JAKMIP3: variants seen among roughly 807,000 people sequenced by gnomAD.
JAKMIP3 encodes janus kinase and microtubule-interacting protein 3.
Under a neutral mutation model 118.5 loss-of-function variants are expected in JAKMIP3, and 58 were observed. The observed-to-expected ratio is 0.49, with a 90% CI of 0.40 to 0.61. JAKMIP3 has a LOEUF of 0.61. Among genes scored for constraint, JAKMIP3 ranks in the 20% least tolerant of loss-of-function variants. The probability of loss-of-function intolerance (pLI) is 0.00; values close to 1 mark genes in which losing one functional copy is unlikely to be tolerated. For synonymous variants in JAKMIP3, 486 were observed against 451.2 expected, an observed-to-expected ratio of 1.08 and a Z score of -0.98; for missense variants, 950 against 1,109.0, an observed-to-expected ratio of 0.86 and a Z score of 2.04.
intron 19 of JAKMIP3, among the ~76,000 whole-genome samples, chr10:132,160,235 TGG>T (rs773569291): frequency 1.2e-3 from 4 of 3,432 alleles, no homozygotes; most frequent in Non-Finnish European, 1.8e-3. Flanking sequence ...TGTGTGATGC[TGG>T]GGGGGGCCTC....
chr10:132,119,779 A>G (rs1004941606), intron 3 of JAKMIP3, among the ~76,000 whole-genome samples: 6 of 152,224 alleles, frequency 3.9e-5, no homozygotes, highest in Admixed American at 6.5e-5. Flanking sequence ...TCAAGGGTAA[A>G]TTTTAGCAGA....
chr10:132,106,184 A>G (rs2045873741), intron 2 of JAKMIP3, among the ~76,000 whole-genome samples: 1 of 151,450 alleles, frequency 6.6e-6, no homozygotes, highest in Non-Finnish European at 1.5e-5. Context: ...AAAAAAATGG[A>G]CACATTACGC....
intron 17 of JAKMIP3, 52 bp from the exon 18 acceptor site, chr10:132,153,707 C>G: frequency 6.4e-7 from 1 of 1,567,416 alleles, no homozygotes; most frequent in Non-Finnish European, 8.8e-7. Context: ...CTCCACGAGC[C>G]GGGGTGGGGG....
Position 132,117,770 on chromosome 10 carries a change from A to G in JAKMIP3, c.633+196A>G, listed in dbSNP as rs920290446. On this transcript the variant is annotated intron_variant, in intron 3 of 23. Transcript: ENST00000684848. This position sits in a 1 kb window ranked among gnomAD's most constrained non-coding sequence, Gnocchi z 8.6. ...TGGTTTTGAGGACCCTAGAGTCACG[A>G]GACCACTAGAAAAGGTTCAGACCCA... Among the ~76,000 whole-genome samples the G allele has an allele frequency of 4.6e-5, 7 of 152,138 alleles. No individual in the cohort carries two copies. The highest frequency in any genetic ancestry group is 1.7e-4 in the African/African-American group (7 of 41,422).
Position 132,138,104 on chromosome 10 carries a change from A to G in JAKMIP3, c.1285-15A>G, listed in dbSNP as rs781324540. 1 of 1,610,258 alleles carries G rather than the reference A, an allele frequency of 6.2e-7. No individual in the cohort carries two copies. ...GCTCTACCACTTACACAACCTCTTC[A>G]ACTGGCTTCCGCAGGAGCGGGACAA... On this transcript the variant is annotated splice_polypyrimidine_tract_variant and intron_variant, in intron 8 of 23. Transcript: ENST00000684848.
chr10:132,158,536 G>A (rs2057361278), intron 19 of JAKMIP3, among the ~76,000 whole-genome samples: 1 of 152,260 alleles, frequency 6.6e-6, no homozygotes, highest in Admixed American at 6.5e-5. Context: ...CCAAAGACCA[G>A]TGGGGAGGCA....
rs71228743 is a variant in JAKMIP3, at chr10:132,139,049, A to AGAGTGT, written c.1344+872_1344+873insAGTGTG. Among the ~76,000 whole-genome samples, 1,195 of 150,168 alleles carry AGAGTGT rather than the reference A, an allele frequency of 8.0e-3. 4 individuals carry two copies. Among genetic ancestry groups the AGAGTGT allele is most frequent in the Non-Finnish European group, 8.7e-3 (589 of 67,450 alleles). On this transcript the variant is annotated intron_variant, in intron 9 of 23. Transcript: ENST00000684848. ...CTAACTCATCTCCTGCTTTATGTTGAGTGTGTGTGTGTGTGTGTGTATGTG... is the reference window on the plus strand; with the variant it reads ...CTAACTCATCTCCTGCTTTATGTTGAGAGTGTGTGTGTGTGTGTGTGTGTGTATGTG...
At position 132,168,102 on chromosome 10, in the gene JAKMIP3, C is replaced by T. The variant is rs1193235256; in HGVS notation, c.*172C>T. On this transcript the variant is annotated 3_prime_UTR_variant, in exon 23 of 24. Transcript: ENST00000684848. ...GAGTGAGAAGGGGCAGTGTGTGGGG[C>T]GTGGAGCTGCCGTCCACGTGGGATG... 1.2e-5 allele frequency: 16 copies of T among 1,288,812 alleles called. No individual in the cohort carries two copies. Among genetic ancestry groups the T allele is most frequent in the Non-Finnish European group, 1.5e-5 (15 of 988,462 alleles). The allele number at this position is 1,288,812 out of a possible 1,614,324, so 79.8% of individuals were successfully genotyped here.
intron 1 of JAKMIP3, among the ~76,000 whole-genome samples, chr10:132,097,033 C>T (rs570497508): frequency 3.3e-5 from 5 of 152,322 alleles, no homozygotes; most frequent in South Asian, 2.1e-4. Context: ...AGAGACGCCA[C>T]GGCGAGGTGC....
chr10:132,176,840 G>A (rs1272479948), intron 23 of JAKMIP3, among the ~76,000 whole-genome samples: 2 of 151,874 alleles, frequency 1.3e-5, no homozygotes. Context: ...TTCCTGTGGA[G>A]TCTCCGGATG....
intron 20 of JAKMIP3, 23 bp downstream of exon 20, chr10:132,163,435 G>A (rs774481194): frequency 4.4e-6 from 7 of 1,573,120 alleles, no homozygotes; most frequent in Admixed American, 3.6e-5. Flanking sequence ...CGGGGGCAGG[G>A]CTGGCGTGAA....
At chr10:132,077,077 C>T (rs1477873686) in intron 1 of JAKMIP3, among the ~76,000 whole-genome samples, 3 of 152,214 alleles carry the variant, frequency 2.0e-5, no homozygotes, top group Non-Finnish European at 4.4e-5. Context: ...TCCACCCCAG[C>T]GTGTGAGAGT....
upstream of JAKMIP3, among the ~76,000 whole-genome samples, chr10:132,061,478 ACT>A (rs1401202691): frequency 2.0e-5 from 3 of 152,336 alleles, no homozygotes; most frequent in East Asian, 5.8e-4. Context: ...TAATCTATAA[ACT>A]CATTATAATT....
chr10:132,168,261 C>T lies in JAKMIP3; in HGVS notation c.*331C>T. On this transcript the variant is annotated 3_prime_UTR_variant, in exon 23 of 24. Transcript: ENST00000684848. Reference sequence around the variant, plus strand: ...CATTTCCAGGGATGTGTAGCATTCCCTGCCAAGCAGGGGTGAGAACTGCTT... The same window carrying T: ...CATTTCCAGGGATGTGTAGCATTCCTTGCCAAGCAGGGGTGAGAACTGCTT... 7.8e-7 allele frequency: 1 copy of T among 1,289,374 alleles called. No homozygotes were observed. Among genetic ancestry groups the T allele is most frequent in the Non-Finnish European group, 1.0e-6 (1 of 988,764 alleles). The allele number at this position is 1,289,374 out of a possible 1,614,324, so 79.9% of individuals were successfully genotyped here. A position where few individuals can be genotyped will look rare whatever the true frequency, so the allele number is the denominator to read the frequency against.
chr10:132,095,597 T>C (rs2043744742), intron 1 of JAKMIP3, among the ~76,000 whole-genome samples: 1 of 152,202 alleles, frequency 6.6e-6, no homozygotes, highest in Non-Finnish European at 1.5e-5. Context: ...ATCTGCTACC[T>C]TCAGAGGGTC....
At chr10:132,072,154 C>T (rs2040071111) in intron 1 of JAKMIP3, among the ~76,000 whole-genome samples, 1 of 152,038 alleles carries the variant, frequency 6.6e-6, no homozygotes, top group East Asian at 2.0e-4. Flanking sequence ...GTTCCGCCGG[C>T]CTCAGCCTCC....
chr10:132,071,919 T>TTTCCTTCCTTTCC (rs1301879962), intron 1 of JAKMIP3, among the ~76,000 whole-genome samples: 5 of 148,418 alleles, frequency 3.4e-5, no homozygotes, highest in African/African-American at 1.3e-4. Context: ...CCTTCCTTCC[T>TTTCCTTCCTTTCC]TTCCTTCCTT....
chr10:132,105,014 C>T, intron 2 of JAKMIP3, 71 bp downstream of exon 2: 4 of 1,516,390 alleles, frequency 2.6e-6, no homozygotes, highest in Non-Finnish European at 2.7e-6. Context: ...AGAGGCTCTT[C>T]CTGGAGTGGG....
exon 1 of JAKMIP3, among the ~76,000 whole-genome samples, chr10:132,036,701 C>G (rs956626742): frequency 1.0e-4 from 15 of 150,670 alleles, no homozygotes. Flanking sequence ...CGATCCGGTC[C>G]GTCGGACGCC....
Sources: gnomAD v4.1 joint callset for allele counts (sites outside exome capture counted in the v4.1 genomes callset) on GRCh38, gnomAD v4.1.1 for gene constraint, Gnocchi (gnomAD v3.1) non-coding constraint, MANE v1.5 for transcripts, NCBI Gene and HGNC (gene_info 2026-07-23, HGNC 2026-07-21) for gene names.